NOS1AP: variants seen among roughly 807,000 people sequenced by gnomAD.
NOS1AP encodes the protein nitric oxide synthase 1 adaptor protein.
Under a neutral mutation model 56.2 loss-of-function variants are expected in NOS1AP, and 21 were observed. The observed-to-expected ratio is 0.37, with a 90% CI of 0.26 to 0.54. The LOEUF (loss-of-function observed/expected upper bound fraction) is 0.54, where lower values mean the gene tolerates loss of function less well. Among genes scored for constraint, NOS1AP ranks in the 20% least tolerant of loss-of-function variants. The probability of loss-of-function intolerance (pLI) is 0.84; values close to 1 mark genes in which losing one functional copy is unlikely to be tolerated. For missense variants in NOS1AP, 522 were observed against 657.8 expected (o/e 0.79, Z 2.26); for synonymous variants, 270 against 274.6 (o/e 0.98, Z 0.17).
At chr1:162,300,409 A>G (rs1655609060) in intron 3 of NOS1AP, among the ~76,000 whole-genome samples, 1 of 152,024 alleles carries the variant, frequency 6.6e-6, no homozygotes, top group African/African-American at 2.4e-5. Flanking sequence ...GCTTTTGCCT[A>G]CCCTCTGAGC....
chr1:162,264,815 CTTTT>C (rs58948058), intron 2 of NOS1AP, among the ~76,000 whole-genome samples: 3 of 137,038 alleles, frequency 2.2e-5, no homozygotes, highest in Non-Finnish European at 4.7e-5. Context: ...CGCGCCCGAC[CTTTT>C]TTTTTTTTTT....
chr1:162,277,790 C>T (rs549616219), intron 2 of NOS1AP, among the ~76,000 whole-genome samples: 89 of 152,260 alleles, frequency 5.8e-4, no homozygotes, highest in African/African-American at 2.0e-3. Flanking sequence ...GCTACCTTTT[C>T]CAGGCAAGGG....
At chr1:162,093,112 C>T (rs1426518931) in intron 1 of NOS1AP, among the ~76,000 whole-genome samples, 1 of 152,106 alleles carries the variant, frequency 6.6e-6, no homozygotes, top group Non-Finnish European at 1.5e-5. Flanking sequence ...AAGGCAGTTC[C>T]CAGTAGACCT....
At chr1:162,366,584 TTTAA>T (rs1658093670) in intron 9 of NOS1AP, among the ~76,000 whole-genome samples, 1 of 152,124 alleles carries the variant, frequency 6.6e-6, no homozygotes, top group Non-Finnish European at 1.5e-5. Context: ...AGCCTGTATT[TTTAA>T]AGTAGCCCAG....
intron 1 of NOS1AP, among the ~76,000 whole-genome samples, chr1:162,092,499 T>C (rs867739177): frequency 6.6e-6 from 1 of 152,230 alleles, no homozygotes. Context: ...GGCTCCATGC[T>C]ATTCACTGAA....
chr1:162,260,092 G>C (rs1161900302), intron 2 of NOS1AP, among the ~76,000 whole-genome samples: 1 of 152,080 alleles, frequency 6.6e-6, no homozygotes, highest in Non-Finnish European at 1.5e-5. Context: ...TGACCACCAA[G>C]AGTGCCATAT....
chr1:162,319,973 C>T (rs1042160074), intron 4 of NOS1AP, among the ~76,000 whole-genome samples: 1 of 152,212 alleles, frequency 6.6e-6, no homozygotes, highest in Non-Finnish European at 1.5e-5. Flanking sequence ...GCAGCAGCTC[C>T]CTGTGTGCCT....
At chr1:162,297,760 C>G (rs1470115627) in intron 3 of NOS1AP, among the ~76,000 whole-genome samples, 3 of 152,046 alleles carry the variant, frequency 2.0e-5, no homozygotes, top group Non-Finnish European at 4.4e-5. Context: ...CTGGGAAGAC[C>G]AAGTAGATGC....
At chr1:162,236,247 A>C (rs1360179261) in intron 2 of NOS1AP, among the ~76,000 whole-genome samples, 2 of 152,332 alleles carry the variant, frequency 1.3e-5, no homozygotes, top group East Asian at 3.9e-4. Context: ...CCAACTTTCT[A>C]ATACCAATCA....
intron 1 of NOS1AP, among the ~76,000 whole-genome samples, chr1:162,094,224 A>G (rs1215513184): frequency 1.3e-5 from 2 of 152,158 alleles, no homozygotes; most frequent in African/African-American, 4.8e-5. Context: ...CTGAAAGTGA[A>G]CTTTGTTGTG....
intron 2 of NOS1AP, among the ~76,000 whole-genome samples, chr1:162,241,880 C>A (rs966874627): frequency 9.2e-5 from 14 of 152,188 alleles, no homozygotes; most frequent in Non-Finnish European, 1.9e-4. Flanking sequence ...CTTACTTTTT[C>A]AGCAACCCTG....
intron 1 of NOS1AP, among the ~76,000 whole-genome samples, chr1:162,115,494 A>G (rs1647908735): frequency 6.6e-6 from 1 of 151,848 alleles, no homozygotes; most frequent in African/African-American, 2.4e-5. Flanking sequence ...GGATTCTTGG[A>G]AGAGGAATTG....
chr1:162,079,255 C>T (rs558754195), intron 1 of NOS1AP, among the ~76,000 whole-genome samples: 16 of 152,186 alleles, frequency 1.1e-4, no homozygotes, highest in African/African-American at 3.9e-4. Context: ...AATAAAATTC[C>T]ACTGATGGAT....
intron 2 of NOS1AP, among the ~76,000 whole-genome samples, chr1:162,214,094 A>G (rs541444416): frequency 6.6e-6 from 1 of 152,334 alleles, no homozygotes; most frequent in Admixed American, 6.5e-5. Context: ...ACATGAAACT[A>G]TCAAAGAATA....
At chr1:162,226,170 G>C (rs2101663167) in intron 2 of NOS1AP, among the ~76,000 whole-genome samples, 1 of 152,252 alleles carries the variant, frequency 6.6e-6, no homozygotes, top group Non-Finnish European at 1.5e-5. Flanking sequence ...GTGCATGCCT[G>C]TAATCCCAGC....
chr1:162,245,552 A>C (rs1395851494), intron 2 of NOS1AP, among the ~76,000 whole-genome samples: 1 of 152,242 alleles, frequency 6.6e-6, no homozygotes, highest in South Asian at 2.1e-4. Context: ...AAATGAAAGC[A>C]TATGTCTGTG....
chr1:162,286,447 A>G (rs1324927588), intron 2 of NOS1AP, among the ~76,000 whole-genome samples: 1 of 152,208 alleles, frequency 6.6e-6, no homozygotes, highest in Non-Finnish European at 1.5e-5. Context: ...GTAAGATGGG[A>G]ATCAGATGAA....
intron 2 of NOS1AP, among the ~76,000 whole-genome samples, chr1:162,273,975 G>C (rs1156725238): frequency 1.3e-5 from 2 of 152,144 alleles, no homozygotes; most frequent in Admixed American, 1.3e-4. Flanking sequence ...CCTGTGGAAG[G>C]ATATTTGAGT....
chr1:162,115,392 G>C (rs4657145), intron 1 of NOS1AP, among the ~76,000 whole-genome samples: 1 of 151,544 alleles, frequency 6.6e-6, no homozygotes. Context: ...AGCCTCAGGT[G>C]CTCTGTTTTT....
Sources: gnomAD v4.1 joint callset for allele counts (sites outside exome capture counted in the v4.1 genomes callset) on GRCh38, gnomAD v4.1.1 for gene constraint, MANE v1.5 for transcripts, NCBI Gene and HGNC (gene_info 2026-07-23, HGNC 2026-07-21) for gene names.